SEPTIN9: variants seen among roughly 807,000 people sequenced by gnomAD.
The protein encoded by SEPTIN9 is septin 9, also known as septin-9.
A neutral mutation model predicts 56.6 loss-of-function variants in SEPTIN9; 13 were observed. That is an observed-to-expected ratio of 0.23 (90% CI 0.15 to 0.37). SEPTIN9 has a LOEUF of 0.37. Among genes scored for constraint, SEPTIN9 ranks in the 10% least tolerant of loss-of-function variants. The pLI is 1.00. For synonymous variants in SEPTIN9, 332 were observed against 334.1 expected (o/e 0.99, Z 0.07); for missense variants, 650 against 823.1 (o/e 0.79, Z 2.57).
intron 1 of SEPTIN9, among the ~76,000 whole-genome samples, chr17:77,298,867 G>A (rs72880523): frequency 0.066 from 10,040 of 152,188 alleles, 481 homozygotes; most frequent in African/African-American, 0.13. Flanking sequence ...AGCCTGGAGT[G>A]CAGCGGTGCA....
At chr17:77,392,279 G>A (rs1425638395) in intron 2 of SEPTIN9, among the ~76,000 whole-genome samples, 2 of 152,180 alleles carry the variant, frequency 1.3e-5, no homozygotes, top group Admixed American at 6.5e-5. Flanking sequence ...CAGAGAGAAA[G>A]AAGCCTCCTC....
In SEPTIN9 at chr17:77,318,885, G is replaced by C. The variant is rs2032800236; in HGVS notation, c.76+11688G>C. Reference sequence around the variant, plus strand: ...GATTGTAAACTCAGAGGCCTGCGGGGTGTGTCGAGGTAGAGGGGTGCAAAT... The same window carrying C: ...GATTGTAAACTCAGAGGCCTGCGGGCTGTGTCGAGGTAGAGGGGTGCAAAT... On this transcript the variant is annotated intron_variant, in intron 2 of 11. Coordinates refer to ENST00000427177, the MANE Select transcript of SEPTIN9 (RefSeq NM_001113491.2). The surrounding 1 kb of genome is among the most constrained non-coding windows in gnomAD (Gnocchi z 4.9). Among the ~76,000 whole-genome samples, 2 of 152,334 alleles carry C rather than the reference G, an allele frequency of 1.3e-5. No individual in the cohort carries two copies. Among genetic ancestry groups the C allele is most frequent in the South Asian group, 4.1e-4 (2 of 4,828 alleles).
At chr17:77,401,435 A>G (rs2035893458) in intron 2 of SEPTIN9, among the ~76,000 whole-genome samples, 1 of 152,122 alleles carries the variant, frequency 6.6e-6, no homozygotes, top group African/African-American at 2.4e-5. Context: ...GAGGAGGGAT[A>G]AAAACAGCCG....
In SEPTIN9 at chr17:77,461,015, T is replaced by A. The variant is rs542195124; in HGVS notation, c.722-21129T>A. 2.0e-5 allele frequency among the ~76,000 whole-genome samples: 3 copies of A among 152,254 alleles called. No individual in the cohort carries two copies. In the South Asian group the frequency reaches 6.2e-4, roughly 32 times the overall value. On this transcript the variant is annotated intron_variant, in intron 3 of 11. Transcript: ENST00000427177. The stretch of plus-strand genomic sequence containing the variant: ...GTTACCCAGGGCCCTTTTAAAAATC[T>A]GTGGGGAGGCTGGGCTTGGTGGCTC...
At chr17:77,412,684 C>CCA (rs1256329947) in intron 3 of SEPTIN9, among the ~76,000 whole-genome samples, 1 of 151,882 alleles carries the variant, frequency 6.6e-6, no homozygotes, top group Non-Finnish European at 1.5e-5. Flanking sequence ...TGTGGTCATA[C>CCA]CACTGCACTC....
intron 2 of SEPTIN9, among the ~76,000 whole-genome samples, chr17:77,342,408 G>A (rs966331586): frequency 6.6e-6 from 1 of 152,160 alleles, no homozygotes; most frequent in African/African-American, 2.4e-5. Flanking sequence ...CCTCTCATCA[G>A]CAGCCTGGCT....
rs371474739 is a variant in SEPTIN9, at chr17:77,478,532, C to T, written c.722-3612C>T. Among the ~76,000 whole-genome samples the T allele has an allele frequency of 2.0e-5, 3 of 152,200 alleles. No homozygotes were observed. In the East Asian group the frequency reaches 5.8e-4, roughly 29 times the overall value. On this transcript the variant is annotated intron_variant, in intron 3 of 11. Transcript: ENST00000427177. The stretch of plus-strand genomic sequence containing the variant: ...GAAATCAAAGGCGGGACAGGCCGGG[C>T]GTGGTGGCTCACGCCTGTAATCTCA...
Position 77,482,351 on chromosome 17 carries a change from G to A in SEPTIN9, c.913+16G>A, listed in dbSNP as rs372768386. The A allele has an allele frequency of 5.6e-6, 9 of 1,609,322 alleles. No individual in the cohort carries two copies. Among genetic ancestry groups the A allele is most frequent in the African/African-American group, 5.3e-5 (4 of 75,046 alleles). ...ATGGTGGTCGGTGAGTCCTCACCTT[G>A]CATGCCACTCAACCAATGCCGGAAA... On this transcript the variant is annotated intron_variant, in intron 4 of 11. Transcript: ENST00000427177.
chr17:77,477,976 C>T (rs745624211), intron 3 of SEPTIN9, among the ~76,000 whole-genome samples: 19 of 152,040 alleles, frequency 1.2e-4, no homozygotes, highest in Non-Finnish European at 2.6e-4. Flanking sequence ...GGGATCTCAA[C>T]GGGGCAGCTG....
intron 3 of SEPTIN9, among the ~76,000 whole-genome samples, chr17:77,438,762 T>C (rs182552497): frequency 2.0e-5 from 3 of 152,298 alleles, no homozygotes; most frequent in Admixed American, 1.3e-4. Flanking sequence ...ATCACAAGTG[T>C]GTGGTCATTT....
intron 3 of SEPTIN9, among the ~76,000 whole-genome samples, chr17:77,479,925 C>T (rs1244267301): frequency 2.6e-5 from 4 of 152,274 alleles, no homozygotes; most frequent in Middle Eastern, 3.4e-3. Context: ...CTTCAGGAAG[C>T]GGCCCCAAAG....
intron 1 of SEPTIN9, among the ~76,000 whole-genome samples, chr17:77,291,743 G>A (rs930348084): frequency 3.9e-5 from 6 of 152,262 alleles, no homozygotes; most frequent in African/African-American, 1.2e-4. Context: ...CTCCCAAAGC[G>A]CTGGGAGTAC....
At chr17:77,374,006 C>T (rs1350858084) in intron 2 of SEPTIN9, 2 of 156,378 alleles carry the variant, frequency 1.3e-5, no homozygotes, top group African/African-American at 4.8e-5. Flanking sequence ...ATAGGGAGGT[C>T]GTTCCTCACC....
At chr17:77,287,718 C>T (rs1168535956) in intron 1 of SEPTIN9, among the ~76,000 whole-genome samples, 2 of 152,148 alleles carry the variant, frequency 1.3e-5, no homozygotes, top group African/African-American at 4.8e-5. Flanking sequence ...AGAGGAGGGG[C>T]GGCTCCTGGG....
rs142657229 is a variant in SEPTIN9 at position 77,403,181 on chromosome 17, G to A, written c.721+478G>A. Reference sequence around the variant, plus strand: ...TGCCTGGATATGCCCAGCAGAGGCCGAGGGCTTGGGGAAGGGAGGAGGGAC... The same window carrying A: ...TGCCTGGATATGCCCAGCAGAGGCCAAGGGCTTGGGGAAGGGAGGAGGGAC... On this transcript the variant is annotated intron_variant, in intron 3 of 11. Coordinates refer to ENST00000427177, the MANE Select transcript of SEPTIN9 (RefSeq NM_001113491.2). Among the ~76,000 whole-genome samples, 788 of 152,252 alleles carry A rather than the reference G, an allele frequency of 5.2e-3. 10 individuals carry two copies. The highest frequency in any genetic ancestry group is 0.017 in the African/African-American group (718 of 41,542).
chr17:77,409,963 T>G (rs312853), intron 3 of SEPTIN9, among the ~76,000 whole-genome samples: 66,655 of 152,060 alleles, frequency 0.44, 15,772 homozygotes, highest in African/African-American at 0.61. Context: ...GTCTCACCTG[T>G]GACCTCATTT....
Position 77,435,734 on chromosome 17 carries a change from ACCT to A in SEPTIN9, c.721+33038_721+33040del, listed in dbSNP as rs911856532. Among the ~76,000 whole-genome samples the A allele has an allele frequency of 1.4e-4, 22 of 152,110 alleles. No individual in the cohort carries two copies. Among genetic ancestry groups the A allele is most frequent in the African/African-American group, 5.3e-4 (22 of 41,478 alleles). ...TGTGGCTGCCTTTGGCTGGCATCTC[ACCT>A]CCTCCTGGCTGTCCTGCAGCCACCT... On this transcript the variant is annotated intron_variant, in intron 3 of 11. Transcript: ENST00000427177. The surrounding 1 kb of genome is among the most constrained non-coding windows in gnomAD (Gnocchi z 4.5).
chr17:77,372,146 C>T (rs923506706), intron 2 of SEPTIN9, among the ~76,000 whole-genome samples: 3 of 152,128 alleles, frequency 2.0e-5, no homozygotes, highest in Non-Finnish European at 4.4e-5. Flanking sequence ...GGGTGTTGTT[C>T]CATGCTGTGA....
intron 2 of SEPTIN9, among the ~76,000 whole-genome samples, chr17:77,350,071 C>T (rs554198199): frequency 6.6e-6 from 1 of 152,344 alleles, no homozygotes; most frequent in East Asian, 1.9e-4. Context: ...GTGGGGTCTC[C>T]AGCCTAGCAC....
Sources: allele counts gnomAD v4.1 joint callset (sites outside exome capture counted in the v4.1 genomes callset), GRCh38; gene constraint gnomAD v4.1.1; non-coding constraint Gnocchi (gnomAD v3.1); transcripts MANE v1.5; gene names NCBI Gene and HGNC (gene_info 2026-07-23, HGNC 2026-07-21).